WWOX: variants seen among roughly 807,000 people sequenced by gnomAD.
WWOX encodes WW domain containing oxidoreductase.
A neutral mutation model predicts 46.2 loss-of-function variants in WWOX; 69 were observed. That is an observed-to-expected ratio of 1.49 (90% CI 1.23 to 1.82). The LOEUF is 1.82. Among genes scored for constraint, WWOX ranks in the 40% most tolerant of loss-of-function variants. The pLI is 0.00. For synonymous variants in WWOX, 359 were observed against 202.6 expected (o/e 1.77, Z -6.56); for missense variants, 919 against 542.6 (o/e 1.69, Z -6.89).
At chr16:78,354,312 C>CTTTTTTTTTTTTTTTTTTTTTTTTTTTT (rs55635025) in intron 5 of WWOX, among the ~76,000 whole-genome samples, 1 of 123,306 alleles carries the variant, frequency 8.1e-6, no homozygotes, top group African/African-American at 3.1e-5. Context: ...ATGTGCTTAA[C>CTTTTTTTTTTTTTTTTTTTTTTTTTTTT]TTTTTTTTTT....
intron 8 of WWOX, among the ~76,000 whole-genome samples, chr16:78,522,081 A>G (rs903516662): frequency 6.6e-6 from 1 of 151,554 alleles, no homozygotes; most frequent in African/African-American, 2.4e-5. Flanking sequence ...GTCTACATCC[A>G]CAGCCTGTGC....
intron 8 of WWOX, among the ~76,000 whole-genome samples, chr16:78,600,559 T>C (rs1484397947): frequency 6.6e-6 from 1 of 152,150 alleles, no homozygotes; most frequent in African/African-American, 2.4e-5. Flanking sequence ...CTAGGGATCA[T>C]CATCATTTTG....
At chr16:78,948,885 A>T (rs1383655810) in intron 8 of WWOX, among the ~76,000 whole-genome samples, 1 of 152,140 alleles carries the variant, frequency 6.6e-6, no homozygotes, top group African/African-American at 2.4e-5. Flanking sequence ...CCTTCAAAGC[A>T]GAAGGGGAAG....
At chr16:78,879,887 A>G (rs918282792) in intron 8 of WWOX, among the ~76,000 whole-genome samples, 1 of 151,670 alleles carries the variant, frequency 6.6e-6, no homozygotes, top group Admixed American at 6.6e-5. Context: ...CAAAAAAAAA[A>G]AAGAAGAAGA....
At chr16:78,326,452 C>A (rs1000021252) in intron 5 of WWOX, among the ~76,000 whole-genome samples, 4 of 151,694 alleles carry the variant, frequency 2.6e-5, no homozygotes, top group Admixed American at 2.6e-4. Context: ...GTTGTTATCG[C>A]GCAAAGGAAG....
intron 8 of WWOX, among the ~76,000 whole-genome samples, chr16:78,903,456 C>G (rs1377707846): frequency 6.6e-6 from 1 of 152,230 alleles, no homozygotes; most frequent in East Asian, 1.9e-4. Context: ...CAAAGTTACA[C>G]TCCTATGCAA....
chr16:78,710,498 A>ATATATATATATT (rs941311575), intron 8 of WWOX, among the ~76,000 whole-genome samples: 3 of 132,796 alleles, frequency 2.3e-5, no homozygotes, highest in African/African-American at 8.6e-5. Context: ...ATATATATAT[A>ATATATATATATT]TTTATATAAA....
chr16:78,617,375 C>T (rs2046051944), intron 8 of WWOX, among the ~76,000 whole-genome samples: 2 of 149,548 alleles, frequency 1.3e-5, no homozygotes, highest in Non-Finnish European at 3.0e-5. Flanking sequence ...GCACCCCAGC[C>T]TGGGCCACAC....
intron 8 of WWOX, among the ~76,000 whole-genome samples, chr16:78,796,300 C>T (rs1010446454): frequency 2.6e-5 from 4 of 152,222 alleles, no homozygotes; most frequent in South Asian, 2.1e-4. Context: ...CAGCCATACC[C>T]TGGAGCCTCC....
intron 8 of WWOX, among the ~76,000 whole-genome samples, chr16:78,690,791 C>A (rs781633958): frequency 6.6e-6 from 1 of 152,116 alleles, no homozygotes; most frequent in Non-Finnish European, 1.5e-5. Context: ...CTATATAAAC[C>A]GTTCAGTAAA....
At chr16:78,219,644 T>C (rs1252579049) in intron 5 of WWOX, among the ~76,000 whole-genome samples, 2 of 152,206 alleles carry the variant, frequency 1.3e-5, no homozygotes, top group East Asian at 1.9e-4. Flanking sequence ...AGTTCTCTTT[T>C]GCTTTCTCTC....
intron 8 of WWOX, among the ~76,000 whole-genome samples, chr16:78,888,773 C>T (rs1006963834): frequency 6.6e-6 from 1 of 152,024 alleles, no homozygotes; most frequent in Non-Finnish European, 1.5e-5. Context: ...GTTCTATGAC[C>T]TTTGTCACTG....
At chr16:78,331,634 C>A (rs1225610323) in intron 5 of WWOX, among the ~76,000 whole-genome samples, 3 of 152,148 alleles carry the variant, frequency 2.0e-5, no homozygotes, top group Admixed American at 2.0e-4. Flanking sequence ...CCTATCCTTG[C>A]TTATTTCACT....
intron 6 of WWOX, among the ~76,000 whole-genome samples, chr16:78,408,184 T>G (rs1433728064): frequency 6.6e-6 from 1 of 152,156 alleles, no homozygotes; most frequent in East Asian, 1.9e-4. Flanking sequence ...AGAACTTGTC[T>G]TCTTACTTGG....
intron 8 of WWOX, among the ~76,000 whole-genome samples, chr16:78,446,169 T>C (rs1597096915): frequency 1.3e-5 from 2 of 152,212 alleles, no homozygotes; most frequent in Non-Finnish European, 2.9e-5. Flanking sequence ...TAGTAAACTA[T>C]CAGTTTAATG....
At chr16:78,740,754 C>T (rs565919417) in intron 8 of WWOX, among the ~76,000 whole-genome samples, 7 of 152,266 alleles carry the variant, frequency 4.6e-5, no homozygotes, top group Admixed American at 4.6e-4. Context: ...AATGCAGGTC[C>T]ACCCTGGTGG....
chr16:78,963,147 A>C (rs898261188), intron 8 of WWOX, among the ~76,000 whole-genome samples: 1 of 152,056 alleles, frequency 6.6e-6, no homozygotes, highest in Admixed American at 6.6e-5. Context: ...CCTCTTGTCT[A>C]TCCATCAGTC....
intron 8 of WWOX, among the ~76,000 whole-genome samples, chr16:78,700,668 G>A (rs1334976630): frequency 6.6e-6 from 1 of 152,118 alleles, no homozygotes; most frequent in Admixed American, 6.5e-5. Context: ...TCCATATCGT[G>A]TGTCTTGTGG....
intron 8 of WWOX, among the ~76,000 whole-genome samples, chr16:78,522,666 C>T (rs901391539): frequency 1.3e-5 from 2 of 152,206 alleles, no homozygotes; most frequent in East Asian, 1.9e-4. Context: ...AGTAATTGAG[C>T]AGATGAGATG....
Sources: allele counts gnomAD v4.1 joint callset (sites outside exome capture counted in the v4.1 genomes callset), GRCh38; gene constraint gnomAD v4.1.1; transcripts MANE v1.5; gene names NCBI Gene and HGNC (gene_info 2026-07-23, HGNC 2026-07-21).